LPIN2: variants seen among roughly 807,000 people sequenced by gnomAD.
The protein encoded by LPIN2 is lipin 2.
LPIN2 carries 55 observed loss-of-function variants against 111.4 expected under a neutral mutation model. The ratio of observed to expected loss-of-function variants is 0.49; its 90% CI spans 0.40 to 0.62. The LOEUF (loss-of-function observed/expected upper bound fraction) is 0.62. Ranked by LOEUF, LPIN2 falls within the 20% of genes least tolerant of loss-of-function variation. The probability of loss-of-function intolerance (pLI) is 0.00; values close to 1 mark genes in which losing one functional copy is unlikely to be tolerated. For synonymous variants in LPIN2, 425 were observed against 414.0 expected (o/e 1.03, Z -0.32); for missense variants, 992 against 1,112.1 (o/e 0.89, Z 1.54).
At chr18:3,002,815 T>C (rs979183998) in intron 1 of LPIN2, among the ~76,000 whole-genome samples, 3 of 152,200 alleles carry the variant, frequency 2.0e-5, no homozygotes, top group African/African-American at 7.2e-5. Context: ...TTTCCCACAA[T>C]CGCTCAAGCA....
At chr18:2,985,656 GACTAGGTAT>G (rs1567854540) in intron 1 of LPIN2, among the ~76,000 whole-genome samples, 2 of 152,060 alleles carry the variant, frequency 1.3e-5, no homozygotes, top group African/African-American at 4.8e-5. Flanking sequence ...AAGTATGTAA[GACTAGGTAT>G]ACAGGGCTTT....
At chr18:2,931,107 T>A in intron 9 of LPIN2, 149 bp downstream of exon 9, 1 of 934,886 alleles carries the variant, frequency 1.1e-6, no homozygotes, top group Non-Finnish European at 1.7e-6. Context: ...AGTGAGGGTA[T>A]AAGGGTCTGA....
intron 2 of LPIN2, among the ~76,000 whole-genome samples, chr18:2,959,938 G>C (rs1025638887): frequency 6.6e-6 from 1 of 152,138 alleles, no homozygotes; most frequent in Non-Finnish European, 1.5e-5. Context: ...CGAGGCCGAA[G>C]CCGGTGGATC....
intron 7 of LPIN2, 136 bp from the exon 8 acceptor site, chr18:2,934,586 G>A (rs1249298017): frequency 5.9e-6 from 4 of 673,180 alleles, no homozygotes; most frequent in Non-Finnish European, 1.1e-5. Context: ...GTGTCAACCA[G>A]CCTTTTTACT....
At chr18:2,957,503 T>C (rs1410703441) in intron 2 of LPIN2, among the ~76,000 whole-genome samples, 2 of 152,212 alleles carry the variant, frequency 1.3e-5, no homozygotes, top group Admixed American at 6.5e-5. Context: ...CCTGTATTTC[T>C]GGTGTGGCTT....
At chr18:3,007,656 A>C (rs1173386092) in intron 1 of LPIN2, among the ~76,000 whole-genome samples, 1 of 152,254 alleles carries the variant, frequency 6.6e-6, no homozygotes, top group Non-Finnish European at 1.5e-5. Context: ...ATGTTGGCTC[A>C]TAAGAAAAGC....
rs536250850 is a variant in LPIN2, at chr18:2,919,028, C to T, written c.*1265G>A. 2 of 152,214 alleles carry T rather than the reference C, an allele frequency of 1.3e-5. No homozygotes were observed. Among genetic ancestry groups the T allele is most frequent in the South Asian group, 2.1e-4 (1 of 4,832 alleles). 9.4% of individuals were successfully genotyped at this position (152,214 alleles called of 1,614,324 possible). The stretch of plus-strand genomic sequence containing the variant: ...TGTTAAGAGTGCAGCTCTGTCAACA[C>T]TCAGCATACCAAAAGCTCTGGAGCA... On this transcript the variant is annotated 3_prime_UTR_variant, in exon 20 of 20. Coordinates refer to ENST00000677752, the MANE Select transcript of LPIN2 (RefSeq NM_001375808.2).
intron 4 of LPIN2, among the ~76,000 whole-genome samples, chr18:2,942,452 TAA>T (rs922101296): frequency 9.2e-5 from 14 of 152,216 alleles, no homozygotes; most frequent in African/African-American, 3.1e-4. Context: ...AAGAACAATG[TAA>T]AAGTCACACA....
rs1485870768 is a variant in LPIN2 at position 2,958,099 on chromosome 18, CCCACTGCACTCCAGCTTGGG to C, written c.192+2530_192+2549del. Among the ~76,000 whole-genome samples, 7 of 130,312 alleles carry C rather than the reference CCCACTGCACTCCAGCTTGGG, an allele frequency of 5.4e-5. No homozygotes were observed. In the East Asian group the frequency reaches 1.7e-3, roughly 31 times the overall value. The allele number at this position is 130,312 out of a possible 152,430, so 85.5% of individuals were successfully genotyped here. On this transcript the variant is annotated intron_variant, in intron 2 of 19. Transcript: ENST00000677752. ...GGAAGTTGCAGTGAGCAGAGATCGC[CCCACTGCACTCCAGCTTGGG>C]CGACAAAGCGAGACTCCATCTCAAA...
chr18:2,934,099 C>T (rs2077250910), intron 8 of LPIN2, among the ~76,000 whole-genome samples: 1 of 152,180 alleles, frequency 6.6e-6, no homozygotes, highest in Admixed American at 6.5e-5. Flanking sequence ...AAGTCATATA[C>T]CCTTATGTAG....
Position 2,944,333 on chromosome 18 carries a change from C to CTTTTTTTTTTTTT in LPIN2, c.591-3634_591-3622dup, listed in dbSNP as rs768515839. ...TGATATCCTAATGTATTTCCACAAA[C>CTTTTTTTTTTTTT]TTTTTTTTTTTTTTTTTTTTTTTTT... On this transcript the variant is annotated intron_variant, in intron 4 of 19. Transcript: ENST00000677752. Among the ~76,000 whole-genome samples the CTTTTTTTTTTTTT allele has an allele frequency of 5.8e-5, 3 of 51,350 alleles. 1 individual carries two copies. The highest frequency in any genetic ancestry group is 7.5e-5 in the Non-Finnish European group (2 of 26,526). The allele number at this position is 51,350 out of a possible 152,430, so 33.7% of individuals were successfully genotyped here.
At chr18:2,980,517 C>T (rs927977069) in intron 1 of LPIN2, among the ~76,000 whole-genome samples, 2 of 152,200 alleles carry the variant, frequency 1.3e-5, no homozygotes, top group Non-Finnish European at 2.9e-5. Context: ...CACGCTGCCT[C>T]GTATCATGTG....
intron 9 of LPIN2, among the ~76,000 whole-genome samples, chr18:2,930,594 T>C (rs371051655): frequency 6.6e-6 from 1 of 152,144 alleles, no homozygotes; most frequent in Non-Finnish European, 1.5e-5. Context: ...AAGAAAATCA[T>C]ACAGGGGCCA....
At chr18:3,000,317 G>GTTGGATAT (rs1221452143) in intron 1 of LPIN2, among the ~76,000 whole-genome samples, 1 of 152,064 alleles carries the variant, frequency 6.6e-6, no homozygotes, top group Non-Finnish European at 1.5e-5. Context: ...AAAGGCAGGA[G>GTTGGATAT]TTGGATATTA....
At chr18:2,984,932 GGA>G in intron 1 of LPIN2, 1 of 152,780 alleles carries the variant, frequency 6.5e-6, no homozygotes, top group South Asian at 2.1e-4. Flanking sequence ...GAGGCGTGGT[GGA>G]GATCCAGCAG....
At chr18:2,933,631 T>C (rs1018760509) in intron 8 of LPIN2, among the ~76,000 whole-genome samples, 1 of 152,234 alleles carries the variant, frequency 6.6e-6, no homozygotes, top group African/African-American at 2.4e-5. Context: ...CAGTAATTCA[T>C]TTACAAGTGT....
chr18:2,974,105 GTTTT>G (rs1202983087), intron 1 of LPIN2, among the ~76,000 whole-genome samples: 1 of 152,146 alleles, frequency 6.6e-6, no homozygotes, highest in Non-Finnish European at 1.5e-5. Context: ...GTTTTGTTTT[GTTTT>G]TTTGAGATGC....
At chr18:3,008,072 C>CA (rs1477706650) in intron 1 of LPIN2, among the ~76,000 whole-genome samples, 1 of 152,200 alleles carries the variant, frequency 6.6e-6, no homozygotes, top group Non-Finnish European at 1.5e-5. Flanking sequence ...ACTGCAATCC[C>CA]ATACTAACCA....
intron 1 of LPIN2, among the ~76,000 whole-genome samples, chr18:2,981,618 G>A (rs2078111711): frequency 1.3e-5 from 2 of 152,162 alleles, no homozygotes; most frequent in Admixed American, 6.5e-5. Context: ...ATGTGAGTGA[G>A]CCAATATGTG....
Sources: allele counts gnomAD v4.1 joint callset (sites outside exome capture counted in the v4.1 genomes callset), GRCh38; gene constraint gnomAD v4.1.1; transcripts MANE v1.5; gene names NCBI Gene and HGNC (gene_info 2026-07-23, HGNC 2026-07-21).